Variants in PIP5K1B observed in about 807,000 individuals in gnomAD.
The protein encoded by PIP5K1B is phosphatidylinositol 4-phosphate 5-kinase type-1 beta.
Under a neutral mutation model 67.0 loss-of-function variants are expected in PIP5K1B, and 42 were observed. The observed-to-expected ratio is 0.63, with a 90% CI of 0.49 to 0.81. PIP5K1B has a LOEUF of 0.81. PIP5K1B is among the 30% of genes least tolerant of loss of function. The probability of loss-of-function intolerance (pLI) is 0.00; values close to 1 mark genes in which losing one functional copy is unlikely to be tolerated. For missense variants in PIP5K1B, 459 were observed against 646.3 expected, an observed-to-expected ratio of 0.71 and a Z score of 3.14; for synonymous variants, 214 against 231.4, an observed-to-expected ratio of 0.92 and a Z score of 0.68.
At chr9:68,764,442 C>A (rs1280425853) in intron 2 of PIP5K1B, among the ~76,000 whole-genome samples, 1 of 152,018 alleles carries the variant, frequency 6.6e-6, no homozygotes, top group Non-Finnish European at 1.5e-5. Context: ...GTTTGAGGAC[C>A]TGTAGTTCAA....
Position 68,705,691 on chromosome 9 carries a change from C to G in PIP5K1B, c.-314C>G, listed in dbSNP as rs1463569197. Reference sequence around the variant, plus strand: ...TCCCTTCGCTGTGGGGAAGCGACAACGTCCCGATAACTTGCAGACTGTGGC... The same window carrying G: ...TCCCTTCGCTGTGGGGAAGCGACAAGGTCCCGATAACTTGCAGACTGTGGC... On this transcript the variant is annotated 5_prime_UTR_variant, in exon 1 of 16. Transcript: ENST00000265382. 1 of 149,804 alleles carries G rather than the reference C, an allele frequency of 6.7e-6. No individual in the cohort carries two copies. Among genetic ancestry groups the G allele is most frequent in the Non-Finnish European group, 1.5e-5 (1 of 67,360 alleles). 9.3% of individuals were successfully genotyped at this position (149,804 alleles called of 1,614,324 possible).
At chr9:68,729,284 A>G (rs1336218530) in intron 1 of PIP5K1B, among the ~76,000 whole-genome samples, 2 of 152,180 alleles carry the variant, frequency 1.3e-5, no homozygotes, top group African/African-American at 4.8e-5. Context: ...CCTTCTTATA[A>G]GAACTTTTCA....
chr9:68,794,270 C>A (rs993494222), intron 2 of PIP5K1B, among the ~76,000 whole-genome samples: 8 of 152,088 alleles, frequency 5.3e-5, no homozygotes, highest in African/African-American at 1.9e-4. Flanking sequence ...GGAACTGAAG[C>A]GAAAGGTCAT....
chr9:68,914,531 T>C (rs1485437864), intron 8 of PIP5K1B, among the ~76,000 whole-genome samples: 10 of 151,862 alleles, frequency 6.6e-5, no homozygotes, highest in Admixed American at 6.6e-4. Flanking sequence ...CTGGCTAACA[T>C]GGTGAAACCC....
At position 68,925,795 on chromosome 9, in the gene PIP5K1B, A is replaced by ATTTTTTTTTTTTTTTTTTTTTTTTTTT. The variant is rs71353094; in HGVS notation, c.1201+2429_1201+2430insTTTTTTTTTTTTTTTTTTTTTTTTTTT. Among the ~76,000 whole-genome samples the ATTTTTTTTTTTTTTTTTTTTTTTTTTT allele has an allele frequency of 1.4e-3, 104 of 73,268 alleles. 16 individuals carry two copies. Among genetic ancestry groups the ATTTTTTTTTTTTTTTTTTTTTTTTTTT allele is most frequent in the East Asian group, 7.0e-3 (11 of 1,572 alleles). 48.1% of individuals were successfully genotyped at this position (73,268 alleles called of 152,430 possible). A position where few individuals can be genotyped will look rare whatever the true frequency, so the allele number is the denominator to read the frequency against. The stretch of plus-strand genomic sequence containing the variant: ...ACATGAATACCAGCTTGTGGTTCCA[A>ATTTTTTTTTTTTTTTTTTTTTTTTTTT]TTTTTTTTTTTTTTTTTTTTGAGAC... On this transcript the variant is annotated intron_variant, in intron 12 of 15. Coordinates refer to ENST00000265382, the MANE Select transcript of PIP5K1B (RefSeq NM_003558.4).
Position 69,001,728 on chromosome 9 carries a change from C to T in PIP5K1B, c.1621-6719C>T, listed in dbSNP as rs548576556. On this transcript the variant is annotated intron_variant, in intron 15 of 15. Coordinates refer to ENST00000265382, the MANE Select transcript of PIP5K1B (RefSeq NM_003558.4). The stretch of plus-strand genomic sequence containing the variant: ...ATCAATCGCCTCCCACCAGACCACT[C>T]CCCCAACACATGGGGATTACAATTT... Among the ~76,000 whole-genome samples the T allele has an allele frequency of 3.3e-5, 5 of 152,236 alleles. No homozygotes were observed. In the South Asian group the frequency reaches 6.2e-4, roughly 19 times the overall value.
chr9:68,865,677 G>A (rs1200947020), intron 5 of PIP5K1B, among the ~76,000 whole-genome samples: 3 of 152,190 alleles, frequency 2.0e-5, no homozygotes, highest in Non-Finnish European at 4.4e-5. Flanking sequence ...GGCACTTGGG[G>A]AAAGCATGGC....
intron 1 of PIP5K1B, among the ~76,000 whole-genome samples, chr9:68,719,509 C>T (rs1316272783): frequency 6.6e-6 from 1 of 152,226 alleles, no homozygotes; most frequent in East Asian, 1.9e-4. Flanking sequence ...CTGAGGTTTA[C>T]GACTGCATTG....
At chr9:68,940,583 A>T in intron 13 of PIP5K1B, 63 bp from the exon 14 acceptor site, 1 of 1,477,670 alleles carries the variant, frequency 6.8e-7, no homozygotes, top group Admixed American at 1.8e-5. Context: ...TTCAATTATT[A>T]TAGATACTAA....
At chr9:68,799,036 G>A (rs1406136630) in intron 2 of PIP5K1B, among the ~76,000 whole-genome samples, 1 of 152,210 alleles carries the variant, frequency 6.6e-6, no homozygotes. Context: ...AGATGGGAAA[G>A]TTTGCAGGGG....
At chr9:68,741,684 G>A (rs1485749310) in intron 1 of PIP5K1B, 1 of 152,198 alleles carries the variant, frequency 6.6e-6, no homozygotes, top group East Asian at 1.9e-4. Context: ...GATAGAGAAG[G>A]GAAACTTGGT....
intron 4 of PIP5K1B, chr9:68,843,259 C>T (rs918707421): frequency 2.0e-5 from 3 of 152,204 alleles, no homozygotes; most frequent in East Asian, 1.9e-4. Flanking sequence ...TGGCAAAGAC[C>T]GCTATGGCAG....
chr9:68,842,410 G>T (rs913138712), intron 4 of PIP5K1B, among the ~76,000 whole-genome samples: 2 of 152,174 alleles, frequency 1.3e-5, no homozygotes, highest in African/African-American at 4.8e-5. Flanking sequence ...CAAGTGTTTT[G>T]CACTTGGCTT....
chr9:68,856,512 G>C (rs1822786342), intron 4 of PIP5K1B, among the ~76,000 whole-genome samples: 1 of 152,112 alleles, frequency 6.6e-6, no homozygotes, highest in Admixed American at 6.5e-5. Context: ...TCTTGAGTGG[G>C]TCTCCGCCCT....
intron 14 of PIP5K1B, among the ~76,000 whole-genome samples, chr9:68,951,878 C>T (rs1441270847): frequency 6.6e-6 from 1 of 152,126 alleles, no homozygotes; most frequent in Non-Finnish European, 1.5e-5. Context: ...TTGGCAATTA[C>T]TTTGGTTTTT....
In PIP5K1B at chr9:68,753,726, A is replaced by T. The variant is rs78572076; in HGVS notation, c.-86+11069A>T. 0.012 allele frequency among the ~76,000 whole-genome samples: 1,870 copies of T among 151,626 alleles called. 101 individuals are homozygous for T. In the East Asian group the frequency reaches 0.17, roughly 14 times the overall value. On this transcript the variant is annotated intron_variant, in intron 2 of 15. Coordinates refer to ENST00000265382, the MANE Select transcript of PIP5K1B (RefSeq NM_003558.4). ...TTTTTAGTAGAGACGGGGTTTCACC[A>T]TGTTAGCCAGGATGGTCTTGATCTC...
At chr9:68,942,617 A>G (rs939476213) in intron 14 of PIP5K1B, among the ~76,000 whole-genome samples, 1 of 151,148 alleles carries the variant, frequency 6.6e-6, no homozygotes, top group Admixed American at 6.6e-5. Flanking sequence ...TGCATGTTCC[A>G]CCTCCGCATG....
chr9:69,003,207 A>G (rs187653331), intron 15 of PIP5K1B, among the ~76,000 whole-genome samples: 81 of 152,262 alleles, frequency 5.3e-4, no homozygotes, highest in African/African-American at 1.9e-3. Context: ...CAAAAGAATC[A>G]GGACAATAGA....
intron 1 of PIP5K1B, among the ~76,000 whole-genome samples, chr9:68,712,720 C>A (rs1827449719): frequency 6.6e-6 from 1 of 152,172 alleles, no homozygotes; most frequent in South Asian, 2.1e-4. Context: ...ATGAGAAAAC[C>A]ACTTGTTTAG....
Sources: gnomAD v4.1 joint callset for allele counts (sites outside exome capture counted in the v4.1 genomes callset) on GRCh38, gnomAD v4.1.1 for gene constraint, MANE v1.5 for transcripts, NCBI Gene and HGNC (gene_info 2026-07-23, HGNC 2026-07-21) for gene names.